UNC5D: variants seen among roughly 807,000 people sequenced by gnomAD.
UNC5D encodes netrin receptor UNC5D.
A neutral mutation model predicts 105.4 loss-of-function variants in UNC5D; 39 were observed. That is an observed-to-expected ratio of 0.37 (90% CI 0.29 to 0.48). The LOEUF is 0.48. Ranked by LOEUF, UNC5D falls within the 20% of genes least tolerant of loss-of-function variation. The pLI, the probability that UNC5D is intolerant of heterozygous loss-of-function variation, is 0.98. For missense variants in UNC5D, 991 were observed against 1,202.4 expected, an observed-to-expected ratio of 0.82 and a Z score of 2.60; for synonymous variants, 452 against 450.4, an observed-to-expected ratio of 1.00 and a Z score of -0.04.
At chr8:35,245,186 T>G (rs1033569949) in intron 1 of UNC5D, among the ~76,000 whole-genome samples, 1 of 151,876 alleles carries the variant, frequency 6.6e-6, no homozygotes, top group Non-Finnish European at 1.5e-5. Flanking sequence ...TTCTTCTGAT[T>G]TGTGTTCGAA....
At chr8:35,509,752 G>A (rs1044244579) in intron 1 of UNC5D, among the ~76,000 whole-genome samples, 2 of 151,754 alleles carry the variant, frequency 1.3e-5, no homozygotes, top group African/African-American at 4.8e-5. Context: ...GCAGACACTT[G>A]GTGTCCTGTA....
intron 4 of UNC5D, among the ~76,000 whole-genome samples, chr8:35,598,314 T>C (rs1819618505): frequency 6.6e-6 from 1 of 152,204 alleles, no homozygotes; most frequent in Non-Finnish European, 1.5e-5. Context: ...GGGAAATTTG[T>C]GCTTACTCTT....
intron 4 of UNC5D, among the ~76,000 whole-genome samples, chr8:35,681,513 G>A (rs1825661748): frequency 6.6e-6 from 1 of 152,162 alleles, no homozygotes; most frequent in South Asian, 2.1e-4. Flanking sequence ...AGTAGTGAAT[G>A]GAAGATATTG....
intron 4 of UNC5D, among the ~76,000 whole-genome samples, chr8:35,606,272 C>T (rs1294892501): frequency 6.6e-6 from 1 of 152,102 alleles, no homozygotes; most frequent in Non-Finnish European, 1.5e-5. Flanking sequence ...AGACATGAGC[C>T]ACCGCACCTG....
intron 1 of UNC5D, chr8:35,544,410 T>A: frequency 6.2e-7 from 1 of 1,609,680 alleles, no homozygotes; most frequent in Non-Finnish European, 8.5e-7. Flanking sequence ...GTAGGGATTG[T>A]TTAAAAAAAA....
intron 14 of UNC5D, among the ~76,000 whole-genome samples, chr8:35,761,525 C>T (rs921943764): frequency 1.5e-4 from 23 of 152,114 alleles, no homozygotes; most frequent in South Asian, 2.1e-4. Context: ...GCTTTACTGC[C>T]GGGATGGGCT....
At chr8:35,423,043 C>T (rs1806018360) in intron 1 of UNC5D, among the ~76,000 whole-genome samples, 2 of 152,170 alleles carry the variant, frequency 1.3e-5, no homozygotes, top group African/African-American at 4.8e-5. Flanking sequence ...TTGTACTTGT[C>T]CTCCAGTACT....
chr8:35,561,895 C>T (rs1475911112), intron 2 of UNC5D, among the ~76,000 whole-genome samples: 1 of 152,118 alleles, frequency 6.6e-6, no homozygotes, highest in Non-Finnish European at 1.5e-5. Flanking sequence ...ATTCAAATTC[C>T]TCTTTTCTAG....
intron 4 of UNC5D, among the ~76,000 whole-genome samples, chr8:35,641,406 A>G (rs1302561141): frequency 1.3e-5 from 2 of 150,570 alleles, no homozygotes; most frequent in Admixed American, 6.6e-5. Flanking sequence ...AACAGCATCT[A>G]CAACATTTGA....
chr8:35,514,186 C>T (rs566649275), intron 1 of UNC5D, among the ~76,000 whole-genome samples: 2 of 152,194 alleles, frequency 1.3e-5, no homozygotes, highest in Admixed American at 1.3e-4. Context: ...CATGCAGAAT[C>T]CCTATGCAGG....
rs67791068 is a variant in UNC5D, at chr8:35,297,787, TA to T, written c.103+61903del. ...ATGTAAGATGTTATGATTTTTTTTT[TA>T]AATTTTGGCAAGCTTAATAAGGCTC... On this transcript the variant is annotated intron_variant, in intron 1 of 16. Coordinates refer to ENST00000404895, the MANE Select transcript of UNC5D (RefSeq NM_080872.4). Among the ~76,000 whole-genome samples the T allele has an allele frequency of 2.1e-3, 317 of 151,882 alleles. 4 individuals carry two copies. The highest frequency in any genetic ancestry group is 6.5e-3 in the African/African-American group (271 of 41,464).
chr8:35,265,978 T>C (rs947979418), intron 1 of UNC5D, among the ~76,000 whole-genome samples: 1 of 151,880 alleles, frequency 6.6e-6, no homozygotes, highest in South Asian at 2.1e-4. Context: ...TGAGAACAGA[T>C]GGGCTATGTA....
rs565043966 is a variant in UNC5D, at chr8:35,789,415, C to T, written c.2658-944C>T. On this transcript the variant is annotated intron_variant, in intron 16 of 16. Transcript: ENST00000404895. The stretch of plus-strand genomic sequence containing the variant: ...TATAGGTAGTAAACATGGAGAGCAA[C>T]GGAGAAGCTGATGAGTACGTTAAAA... Among the ~76,000 whole-genome samples the T allele has an allele frequency of 1.0e-3, 150 of 150,124 alleles. 1 individual carries two copies. Among genetic ancestry groups the T allele is most frequent in the Non-Finnish European group, 1.9e-3 (128 of 67,534 alleles).
chr8:35,566,746 G>A (rs1817367111), intron 2 of UNC5D, among the ~76,000 whole-genome samples: 1 of 152,176 alleles, frequency 6.6e-6, no homozygotes, highest in African/African-American at 2.4e-5. Context: ...GCATAGGTTC[G>A]AGACTTATCA....
At chr8:35,463,701 A>G (rs1373822397) in intron 1 of UNC5D, among the ~76,000 whole-genome samples, 1 of 151,436 alleles carries the variant, frequency 6.6e-6, no homozygotes, top group Non-Finnish European at 1.5e-5. Context: ...TATTCGGATC[A>G]CTTGAACCCA....
chr8:35,458,310 A>T (rs561441599), intron 1 of UNC5D, among the ~76,000 whole-genome samples: 7 of 152,196 alleles, frequency 4.6e-5, no homozygotes, highest in African/African-American at 1.7e-4. Flanking sequence ...TCTTTAATTT[A>T]GTACAAATAA....
intron 4 of UNC5D, among the ~76,000 whole-genome samples, chr8:35,632,894 T>C (rs927909907): frequency 6.6e-6 from 1 of 152,170 alleles, no homozygotes; most frequent in Non-Finnish European, 1.5e-5. Context: ...CCTTTCCTGG[T>C]CCAAAACTAC....
At chr8:35,454,218 T>A (rs990604245) in intron 1 of UNC5D, among the ~76,000 whole-genome samples, 4 of 152,006 alleles carry the variant, frequency 2.6e-5, no homozygotes. Flanking sequence ...CCTCTTTAGC[T>A]GGGGGAGGGG....
chr8:35,710,522 G>A (rs911722038), intron 8 of UNC5D, among the ~76,000 whole-genome samples: 5 of 152,140 alleles, frequency 3.3e-5, no homozygotes, highest in African/African-American at 1.2e-4. Flanking sequence ...CAGTCGAGAA[G>A]TCAGAGAAGT....
Sources: allele counts gnomAD v4.1 joint callset (sites outside exome capture counted in the v4.1 genomes callset), GRCh38; gene constraint gnomAD v4.1.1; transcripts MANE v1.5; gene names NCBI Gene and HGNC (gene_info 2026-07-23, HGNC 2026-07-21).